The following ELMO1 variants were observed in gnomAD, a reference collection of about 807,000 sequenced individuals.
ELMO1 encodes the protein engulfment and cell motility protein 1.
In ELMO1, 26 loss-of-function variants were observed where a neutral mutation model predicts 98.9. The ratio of observed to expected loss-of-function variants is 0.26; its 90% CI spans 0.19 to 0.36. The LOEUF is 0.36. Among genes scored for constraint, ELMO1 ranks in the 10% least tolerant of loss-of-function variants. ELMO1 has a pLI of 1.00. For synonymous variants in ELMO1, 346 were observed against 346.0 expected (o/e 1.00, Z 0.00); for missense variants, 627 against 935.2 (o/e 0.67, Z 4.30).
At chr7:37,348,361 C>G (rs1051730155) in intron 1 of ELMO1, among the ~76,000 whole-genome samples, 8 of 152,064 alleles carry the variant, frequency 5.3e-5, no homozygotes, top group Admixed American at 5.2e-4. Context: ...AATCATCATG[C>G]CTTCCAAAGT....
chr7:36,970,608 T>C lies in ELMO1; in HGVS notation c.1437+42691A>G, dbSNP rs149565535. ...TCCTTCCATGTCCCTGGCACATTAC[T>C]AGGCATGTAGTATACACTTGATAAA... On this transcript the variant is annotated intron_variant, in intron 16 of 21. Coordinates refer to ENST00000310758, the MANE Select transcript of ELMO1 (RefSeq NM_014800.11). 3.6e-3 allele frequency among the ~76,000 whole-genome samples: 549 copies of C among 152,358 alleles called. 20 individuals are homozygous for C. Among genetic ancestry groups the C allele is most frequent in the Admixed American group, 0.032 (491 of 15,308 alleles).
chr7:37,195,244 A>C (rs1039016020), intron 13 of ELMO1, among the ~76,000 whole-genome samples: 2 of 152,220 alleles, frequency 1.3e-5, no homozygotes, highest in Non-Finnish European at 2.9e-5. Context: ...TTCACTCAAC[A>C]ATCAATTCCA....
At chr7:36,875,793 T>TTGA (rs1803911139) in intron 19 of ELMO1, among the ~76,000 whole-genome samples, 1 of 152,182 alleles carries the variant, frequency 6.6e-6, no homozygotes, top group Admixed American at 6.5e-5. Flanking sequence ...GACCAGGAAC[T>TTGA]GCCCCTACAC....
chr7:36,944,890 C>A (rs1291358261), intron 16 of ELMO1, among the ~76,000 whole-genome samples: 1 of 152,200 alleles, frequency 6.6e-6, no homozygotes, highest in Non-Finnish European at 1.5e-5. Context: ...GGCTGCCCCA[C>A]CAGAAAAGCA....
chr7:36,935,667 G>A (rs1786463795), intron 16 of ELMO1, among the ~76,000 whole-genome samples: 1 of 152,040 alleles, frequency 6.6e-6, no homozygotes, highest in Non-Finnish European at 1.5e-5. Context: ...CATTCAAAGG[G>A]GCACACACAT....
intron 7 of ELMO1, among the ~76,000 whole-genome samples, chr7:37,236,132 C>T (rs559442856): frequency 6.6e-6 from 1 of 152,278 alleles, no homozygotes; most frequent in African/African-American, 2.4e-5. Flanking sequence ...GAGCCCTAAT[C>T]CAAATGATCT....
chr7:37,367,895 A>G (rs1801967037), intron 1 of ELMO1, among the ~76,000 whole-genome samples: 1 of 152,226 alleles, frequency 6.6e-6, no homozygotes, highest in South Asian at 2.1e-4. Context: ...ACTAATATCC[A>G]TGGCAGACAT....
chr7:37,157,032 T>C (rs1753831597), intron 13 of ELMO1, among the ~76,000 whole-genome samples: 1 of 152,312 alleles, frequency 6.6e-6, no homozygotes, highest in African/African-American at 2.4e-5. Context: ...TCAATAAACA[T>C]AATCCATCAC....
intron 14 of ELMO1, among the ~76,000 whole-genome samples, chr7:37,098,305 C>A (rs1784466788): frequency 6.6e-6 from 1 of 152,150 alleles, no homozygotes; most frequent in African/African-American, 2.4e-5. Flanking sequence ...TAGACAAGGG[C>A]CCTGACCTCA....
chr7:36,965,727 G>A (rs1789366906), intron 16 of ELMO1, among the ~76,000 whole-genome samples: 1 of 151,968 alleles, frequency 6.6e-6, no homozygotes, highest in South Asian at 2.1e-4. Flanking sequence ...AGTCCATAAA[G>A]AAGTGGAAAG....
chr7:37,283,431 G>A (rs1314969652), intron 4 of ELMO1, among the ~76,000 whole-genome samples: 1 of 152,128 alleles, frequency 6.6e-6, no homozygotes, highest in Non-Finnish European at 1.5e-5. Flanking sequence ...TCTAGGCTGG[G>A]GACTAAAAGC....
intron 18 of ELMO1, among the ~76,000 whole-genome samples, chr7:36,882,824 A>C (rs1374993438): frequency 1.3e-5 from 2 of 152,250 alleles, no homozygotes; most frequent in African/African-American, 2.4e-5. Context: ...AGTCAATGGC[A>C]GTCCCTCTCG....
intron 13 of ELMO1, among the ~76,000 whole-genome samples, chr7:37,157,100 T>G (rs1788829042): frequency 6.6e-6 from 1 of 152,198 alleles, no homozygotes; most frequent in South Asian, 2.1e-4. Context: ...AAAAGGCCTT[T>G]GACAAAATTC....
At chr7:37,082,488 G>A (rs760716046) in intron 15 of ELMO1, among the ~76,000 whole-genome samples, 7 of 152,128 alleles carry the variant, frequency 4.6e-5, no homozygotes, top group Non-Finnish European at 1.0e-4. Context: ...CAGCTTGCTC[G>A]AGTCCAGGAG....
At chr7:37,096,535 G>T in intron 15 of ELMO1, 84 bp downstream of exon 15, 1 of 1,175,994 alleles carries the variant, frequency 8.5e-7, no homozygotes, top group Non-Finnish European at 1.3e-6. Context: ...GGCATCTTGG[G>T]ATTTCTTCAC....
chr7:37,146,686 G>A (rs186642315), intron 13 of ELMO1, among the ~76,000 whole-genome samples: 43 of 152,282 alleles, frequency 2.8e-4, no homozygotes, highest in African/African-American at 1.0e-3. Context: ...CTCTCCATAT[G>A]TAACAGGAAT....
chr7:37,015,091 A>G (rs1425153971), intron 15 of ELMO1, among the ~76,000 whole-genome samples: 5 of 152,154 alleles, frequency 3.3e-5, no homozygotes, highest in South Asian at 4.1e-4. Flanking sequence ...GTTTATTTGC[A>G]CAGCTCACCA....
At chr7:37,267,039 ACACAC>A (rs1796299667) in intron 5 of ELMO1, among the ~76,000 whole-genome samples, 3 of 14,196 alleles carry the variant, frequency 2.1e-4, no homozygotes, top group Non-Finnish European at 3.0e-4. Flanking sequence ...ATGTATATAT[ACACAC>A]ACACACACAC....
At chr7:37,085,343 T>G (rs1783706267) in intron 15 of ELMO1, among the ~76,000 whole-genome samples, 1 of 152,216 alleles carries the variant, frequency 6.6e-6, no homozygotes, top group African/African-American at 2.4e-5. Context: ...TTTTTTTATT[T>G]TTTTTCCATT....
Sources: allele counts gnomAD v4.1 joint callset (sites outside exome capture counted in the v4.1 genomes callset), GRCh38; gene constraint gnomAD v4.1.1; transcripts MANE v1.5; gene names NCBI Gene and HGNC (gene_info 2026-07-23, HGNC 2026-07-21).